Variants in WNT11 observed in about 807,000 individuals in gnomAD.
WNT11 encodes protein Wnt-11.
Under a neutral mutation model 35.6 loss-of-function variants are expected in WNT11, and 20 were observed. The ratio of observed to expected loss-of-function variants is 0.56; its 90% CI spans 0.40 to 0.82. WNT11 has a LOEUF of 0.82. Ranked by LOEUF, WNT11 falls within the 40% of genes least tolerant of loss-of-function variation. The probability of loss-of-function intolerance (pLI) is 0.00; values close to 1 mark genes in which losing one functional copy is unlikely to be tolerated. For synonymous variants in WNT11, 200 were observed against 211.9 expected (o/e 0.94, Z 0.49); for missense variants, 459 against 504.4 (o/e 0.91, Z 0.86).
Position 76,200,691 on chromosome 11 carries a change from C to A in WNT11, c.84-3973G>T, listed in dbSNP as rs561915666. On this transcript the variant is annotated intron_variant, in intron 1 of 4. Coordinates refer to ENST00000322563, the MANE Select transcript of WNT11 (RefSeq NM_004626.3). ...GCACTGGGGTCACTTCTCTCTGGGT[C>A]CCCACTCTGCTTTGCTCTGAGCGGT... 2.0e-5 allele frequency among the ~76,000 whole-genome samples: 3 copies of A among 152,330 alleles called. No individual in the cohort carries two copies. The South Asian group carries it at 6.2e-4, about 32-fold the overall frequency.
intron 1 of WNT11, 80 bp downstream of exon 1, chr11:76,206,245 G>C: frequency 8.0e-7 from 1 of 1,257,438 alleles, no homozygotes; most frequent in Non-Finnish European, 1.0e-6. Flanking sequence ...TGGTGCGCTC[G>C]CCCCATCCAG....
At chr11:76,200,815 G>A (rs970998501) in intron 1 of WNT11, among the ~76,000 whole-genome samples, 1 of 152,242 alleles carries the variant, frequency 6.6e-6, no homozygotes, top group Non-Finnish European at 1.5e-5. Context: ...AAATGAGAAG[G>A]ACAACGTGGG....
upstream of WNT11, among the ~76,000 whole-genome samples, chr11:76,209,584 G>C (rs1272112710): frequency 6.6e-6 from 1 of 152,190 alleles, no homozygotes; most frequent in African/African-American, 2.4e-5. Flanking sequence ...CCTGCGGGGC[G>C]GGGCGAGGCC....
chr11:76,195,659 G>A (rs1953271970), intron 2 of WNT11, among the ~76,000 whole-genome samples: 1 of 152,194 alleles, frequency 6.6e-6, no homozygotes, highest in African/African-American at 2.4e-5. Context: ...AACGAATACG[G>A]CACTCAGGAG....
At chr11:76,205,976 C>A (rs763434466) in intron 1 of WNT11, among the ~76,000 whole-genome samples, 14 of 152,284 alleles carry the variant, frequency 9.2e-5, no homozygotes, top group Admixed American at 2.0e-4. Context: ...GGACAAGGAC[C>A]GCTCCTGGGC....
chr11:76,206,469 T>C lies in WNT11; in HGVS notation c.-62A>G, dbSNP rs1281598908. ...AGGAGCCGCGCCGAAGTCCTCCGCC[T>C]GCACGGCCGCCGCTGGTCCTGCACG... On this transcript the variant is annotated 5_prime_UTR_variant, in exon 1 of 5. Transcript: ENST00000322563. 3.8e-6 allele frequency: 5 copies of C among 1,327,796 alleles called. No homozygotes were observed. Among genetic ancestry groups the C allele is most frequent in the Non-Finnish European group, 3.8e-6 (4 of 1,040,902 alleles). The allele number at this position is 1,327,796 out of a possible 1,614,324, so 82.3% of individuals were successfully genotyped here. A position where few individuals can be genotyped will look rare whatever the true frequency, so the allele number is the denominator to read the frequency against.
At chr11:76,191,151 T>C (rs1336751092) in intron 4 of WNT11, among the ~76,000 whole-genome samples, 1 of 152,228 alleles carries the variant, frequency 6.6e-6, no homozygotes, top group Non-Finnish European at 1.5e-5. Context: ...GTCCCTTTGC[T>C]GTGCAACGAG....
chr11:76,192,361 AGAAG>A (rs1953198799), intron 3 of WNT11, among the ~76,000 whole-genome samples: 1 of 152,150 alleles, frequency 6.6e-6, no homozygotes, highest in South Asian at 2.1e-4. Flanking sequence ...AGAAAAGAAG[AGAAG>A]GAAGGAAGGG....
chr11:76,210,574 G>C (rs1953555700), upstream of WNT11: 3 of 985,132 alleles, frequency 3.0e-6, no homozygotes, highest in Non-Finnish European at 3.6e-6. Context: ...ACTCCGGCTG[G>C]GCGAGCGGCG....
At chr11:76,206,145 G>C (rs1717626) in intron 1 of WNT11, among the ~76,000 whole-genome samples, 180 bp downstream of exon 1, 71,767 of 152,052 alleles carry the variant, frequency 0.47, 17,012 homozygotes, top group East Asian at 0.57. Flanking sequence ...TCGCAAGCCT[G>C]CGGGAGGCAG....
chr11:76,210,632 GGCAAGCTGCGGCCGGCTCAGGACCCGC>G, upstream of WNT11: 1 of 985,286 alleles, frequency 1.0e-6, no homozygotes, highest in Non-Finnish European at 1.2e-6. Flanking sequence ...CGGGGATCCT[GGCAAGCTGCGGCCGGCTCAGGACCCGC>G]GCGGAGTCAG....
chr11:76,193,745 G>A (rs1489501437), intron 3 of WNT11, among the ~76,000 whole-genome samples: 1 of 152,216 alleles, frequency 6.6e-6, no homozygotes, highest in African/African-American at 2.4e-5. Context: ...GCCTCACTTA[G>A]TGCCTCTGTA....
chr11:76,191,719 G>A lies in WNT11; in HGVS notation c.735C>T (p.Thr245=). ...ADLKTRYLSA[T]KVVHRPMGTR... ...TGCCCATGGGTCGGTGCACTACCTT[G>A]GTGGCCGACAGGTATCGGGTCTTGA... is the stretch of plus-strand genomic sequence containing the variant. Residue 245 remains threonine (T), a synonymous_variant, in exon 4 of 5, where the codon ACC becomes ACT. Coordinates refer to ENST00000322563, the MANE Select transcript of WNT11 (RefSeq NM_004626.3). The A allele has an allele frequency of 6.2e-7, 1 of 1,613,888 alleles. No homozygotes were observed. Among genetic ancestry groups the A allele is most frequent in the Non-Finnish European group, 8.5e-7 (1 of 1,180,050 alleles).
chr11:76,193,434 T>C (rs1184945108), intron 3 of WNT11, among the ~76,000 whole-genome samples: 2 of 151,740 alleles, frequency 1.3e-5, no homozygotes, highest in Non-Finnish European at 2.9e-5. Flanking sequence ...GGCGTGGCCA[T>C]GGTGGTGGGC....
At chr11:76,187,703 T>C (rs181584496) in intron 4 of WNT11, among the ~76,000 whole-genome samples, 1 of 152,266 alleles carries the variant, frequency 6.6e-6, no homozygotes, top group African/African-American at 2.4e-5. Flanking sequence ...AGGCTGGTCT[T>C]GAACTCCTAG....
intron 4 of WNT11, among the ~76,000 whole-genome samples, chr11:76,188,631 G>A (rs1160234990): frequency 6.6e-6 from 1 of 152,234 alleles, no homozygotes; most frequent in African/African-American, 2.4e-5. Context: ...TGTCCAAGAT[G>A]GGAAAGTCCT....
chr11:76,196,597 C>T lies in WNT11; in HGVS notation c.205G>A (p.Val69Met). 6.2e-7 allele frequency: 1 copy of T among 1,613,656 alleles called. No homozygotes were observed. Among genetic ancestry groups the T allele is most frequent in the Non-Finnish European group, 8.5e-7 (1 of 1,180,044 alleles). ...ATGACCTCGCGGGCGGCGTGCACCA[C>T]CGTGTGCATGAGCTCCAGGTTGCTG... ...CRSNLELMHTVVHAAREVMKA... is the reference protein window; with the variant it reads ...CRSNLELMHTMVHAAREVMKA... Residue 69 changes from valine (V) to methionine (M), a missense_variant, in exon 2 of 5, where the codon GTG becomes ATG. Coordinates refer to ENST00000322563, the MANE Select transcript of WNT11 (RefSeq NM_004626.3).
At chr11:76,206,189 G>A in intron 1 of WNT11, 136 bp downstream of exon 1, 1 of 734,348 alleles carries the variant, frequency 1.4e-6, no homozygotes, top group Middle Eastern at 3.4e-4. Flanking sequence ...AGAGGCTGAG[G>A]GATGACTTGC....
rs1163593116 is a variant in WNT11 at position 76,194,628 on chromosome 11, T to C, written c.536A>G (p.Lys179Arg). 3 of 1,550,512 alleles carry C rather than the reference T, an allele frequency of 1.9e-6. No individual in the cohort carries two copies. The highest frequency in any genetic ancestry group is 1.4e-5 in the African/African-American group (1 of 73,012). The change falls in exon 3 of 5, where the codon AAA becomes AGA. Residue 179 changes from lysine (K) to arginine (R), a missense_variant. Lys to Arg is a conservative substitution (Grantham distance 26, BLOSUM62 2). Transcript: ENST00000322563. This position sits in a 1 kb window ranked among gnomAD's most constrained non-coding sequence, Gnocchi z 5.4. ...AKFSDAPMKV[K>R]KTGSQANKLM... Reference sequence around the variant, plus strand: ...TTTATTGGCTTGGGATCCTGTTTTTTTCACCTTCATAGGAGCATCGGAAAA... The same window carrying C: ...TTTATTGGCTTGGGATCCTGTTTTTCTCACCTTCATAGGAGCATCGGAAAA...
Sources: gnomAD v4.1 joint callset for allele counts (sites outside exome capture counted in the v4.1 genomes callset) on GRCh38, gnomAD v4.1.1 for gene constraint, Gnocchi (gnomAD v3.1) non-coding constraint, MANE v1.5 for transcripts, NCBI Gene and HGNC (gene_info 2026-07-23, HGNC 2026-07-21) for gene names.